The following AK8 variants were observed in gnomAD, a reference collection of about 807,000 sequenced individuals.
The protein encoded by AK8 is ATP-AMP transphosphorylase 8.
Under a neutral mutation model 54.6 loss-of-function variants are expected in AK8, and 44 were observed. The ratio of observed to expected loss-of-function variants is 0.81; its 90% CI spans 0.63 to 1.04. The LOEUF (loss-of-function observed/expected upper bound fraction) is 1.04. Among genes scored for constraint, AK8 ranks in the 50% least tolerant of loss-of-function variants. The probability of loss-of-function intolerance (pLI) is 0.00; values close to 1 mark genes in which losing one functional copy is unlikely to be tolerated. For missense variants in AK8, 555 were observed against 613.6 expected (o/e 0.90, Z 1.01); for synonymous variants, 239 against 245.6 (o/e 0.97, Z 0.25).
chr9:132,839,841 G>A (rs1273740398), intron 5 of AK8, among the ~76,000 whole-genome samples: 14 of 147,780 alleles, frequency 9.5e-5, no homozygotes, highest in Non-Finnish European at 2.1e-4. Flanking sequence ...GCGCAGGGAC[G>A]GAGCCTTGCT....
At chr9:132,760,708 T>C (rs1838416968) in intron 11 of AK8, among the ~76,000 whole-genome samples, 1 of 152,184 alleles carries the variant, frequency 6.6e-6, no homozygotes, top group Non-Finnish European at 1.5e-5. Flanking sequence ...ATGGTTGCTA[T>C]AGTTTGGGAA....
At chr9:132,777,347 C>T (rs747739524) in intron 11 of AK8, among the ~76,000 whole-genome samples, 1 of 152,086 alleles carries the variant, frequency 6.6e-6, no homozygotes, top group African/African-American at 2.4e-5. Flanking sequence ...GCCCCAAATC[C>T]CACTGTCCCT....
At chr9:132,750,577 GCT>G (rs1837870106) in intron 11 of AK8, among the ~76,000 whole-genome samples, 1 of 151,866 alleles carries the variant, frequency 6.6e-6, no homozygotes, top group Admixed American at 6.6e-5. Flanking sequence ...GGAAAACCAC[GCT>G]TTCTTCTCAA....
chr9:132,857,477 G>A (rs75079455), intron 4 of AK8, among the ~76,000 whole-genome samples: 14,532 of 152,066 alleles, frequency 0.096, 890 homozygotes, highest in African/African-American at 0.15. Flanking sequence ...AAGGGAAGGG[G>A]TGGACAGGAA....
At chr9:132,731,477 T>C (rs577455824) in intron 11 of AK8, among the ~76,000 whole-genome samples, 25 of 152,252 alleles carry the variant, frequency 1.6e-4, no homozygotes, top group Non-Finnish European at 3.5e-4. Context: ...ACACCCTGTG[T>C]AATCAGCCAG....
chr9:132,848,015 C>T (rs1256388974), intron 5 of AK8, among the ~76,000 whole-genome samples: 1 of 147,336 alleles, frequency 6.8e-6, no homozygotes, highest in Admixed American at 7.0e-5. Context: ...ACTCAGGAAG[C>T]GGAGGTGGGA....
chr9:132,746,962 T>A (rs187883554), intron 11 of AK8, among the ~76,000 whole-genome samples: 245 of 152,390 alleles, frequency 1.6e-3, no homozygotes, highest in Admixed American at 4.8e-3. Context: ...CTATCATTCA[T>A]CAAATACAAC....
At chr9:132,805,084 T>C (rs777260113) in intron 10 of AK8, among the ~76,000 whole-genome samples, 2 of 152,160 alleles carry the variant, frequency 1.3e-5, no homozygotes, top group Non-Finnish European at 2.9e-5. Context: ...ACCTCCCGAC[T>C]GGAGAAGAAG....
In AK8 at chr9:132,875,025, G is replaced by A. The variant is rs1844027573; in HGVS notation, c.169+90C>T. Reference sequence around the variant, plus strand: ...GGGGCAGGGTTCCTGGAGAGGAAGAGGAGGAGGAGGCAGAGGAGTCAGGGA... The same window carrying A: ...GGGGCAGGGTTCCTGGAGAGGAAGAAGAGGAGGAGGCAGAGGAGTCAGGGA... On this transcript the variant is annotated intron_variant, in intron 2 of 12. Transcript: ENST00000298545. 7.4e-6 allele frequency: 11 copies of A among 1,491,516 alleles called. No homozygotes were observed. The South Asian group carries it at 9.7e-5, about 13-fold the overall frequency. The allele number at this position is 1,491,516 out of a possible 1,614,324, so 92.4% of individuals were successfully genotyped here.
chr9:132,807,529 C>T (rs376856307), intron 10 of AK8, among the ~76,000 whole-genome samples: 10 of 152,312 alleles, frequency 6.6e-5, no homozygotes, highest in African/African-American at 1.2e-4. Context: ...CTCATGAGAA[C>T]GAGAACAGTT....
intron 10 of AK8, among the ~76,000 whole-genome samples, chr9:132,795,030 C>T (rs1264235583): frequency 1.3e-5 from 2 of 152,180 alleles, no homozygotes; most frequent in Non-Finnish European, 2.9e-5. Context: ...CGAATATTTT[C>T]ACGGTTGCCT....
At chr9:132,825,143 C>T (rs1192876291) in intron 8 of AK8, among the ~76,000 whole-genome samples, 1 of 152,164 alleles carries the variant, frequency 6.6e-6, no homozygotes, top group Non-Finnish European at 1.5e-5. Flanking sequence ...ACAAATGATG[C>T]TTAATTTACA....
At chr9:132,869,005 C>T (rs1217026525) in intron 2 of AK8, among the ~76,000 whole-genome samples, 1 of 152,042 alleles carries the variant, frequency 6.6e-6, no homozygotes, top group Non-Finnish European at 1.5e-5. Flanking sequence ...ATGGTGAAAC[C>T]CCATCTCTAC....
Position 132,803,778 on chromosome 9 carries a change from T to C in AK8, c.979+10860A>G, listed in dbSNP as rs912586699. 1.3e-5 allele frequency among the ~76,000 whole-genome samples: 2 copies of C among 152,102 alleles called. No individual in the cohort carries two copies. The highest frequency in any genetic ancestry group is 4.8e-5 in the African/African-American group (2 of 41,394). On this transcript the variant is annotated intron_variant, in intron 10 of 12. Transcript: ENST00000298545. This position sits in a 1 kb window ranked among gnomAD's most constrained non-coding sequence, Gnocchi z 4.4. ...CCTTCTAGAAATCCTTCAGGCTGCA[T>C]GCTGCCCCCTGTGACCTGTCTCCTC...
intron 10 of AK8, among the ~76,000 whole-genome samples, chr9:132,811,513 GC>G (rs769396729): frequency 1.3e-5 from 2 of 152,254 alleles, no homozygotes; most frequent in Non-Finnish European, 2.9e-5. Flanking sequence ...CCTCTCAAGT[GC>G]CCCAGGAAGG....
chr9:132,813,084 G>A (rs866279751), intron 10 of AK8, among the ~76,000 whole-genome samples: 125 of 82,952 alleles, frequency 1.5e-3, no homozygotes, highest in East Asian at 3.3e-3. Context: ...ACTGCCCTGA[G>A]CCTACACAGA....
intron 10 of AK8, among the ~76,000 whole-genome samples, chr9:132,800,860 G>T (rs1167040338): frequency 6.6e-6 from 1 of 151,582 alleles, no homozygotes; most frequent in East Asian, 1.9e-4. Flanking sequence ...GTGCCCACAC[G>T]GCATTGACAC....
chr9:132,867,076 A>G, intron 2 of AK8, 123 bp from the exon 3 acceptor site: 10 of 898,978 alleles, frequency 1.1e-5, no homozygotes, highest in Non-Finnish European at 1.6e-5. Context: ...TGACACGGCC[A>G]TTTGTAACCC....
intron 11 of AK8, among the ~76,000 whole-genome samples, chr9:132,728,801 C>CA (rs1250303843): frequency 1.3e-5 from 2 of 152,196 alleles, no homozygotes; most frequent in Non-Finnish European, 2.9e-5. Flanking sequence ...TCATGATTCT[C>CA]AGACTGGGAG....
Sources: allele counts gnomAD v4.1 joint callset (sites outside exome capture counted in the v4.1 genomes callset), GRCh38; gene constraint gnomAD v4.1.1; non-coding constraint Gnocchi (gnomAD v3.1); transcripts MANE v1.5; gene names NCBI Gene and HGNC (gene_info 2026-07-23, HGNC 2026-07-21).